Variants in SEMA6A observed in about 807,000 individuals in gnomAD.
SEMA6A encodes the protein semaphorin 6A.
A neutral mutation model predicts 96.8 loss-of-function variants in SEMA6A; 25 were observed. That is an observed-to-expected ratio of 0.26 (90% CI 0.19 to 0.36). SEMA6A has a LOEUF of 0.36. Among genes scored for constraint, SEMA6A ranks in the 10% least tolerant of loss-of-function variants. SEMA6A has a pLI of 1.00. For synonymous variants in SEMA6A, 612 were observed against 518.0 expected (o/e 1.18, Z -2.46); for missense variants, 1,363 against 1,323.1 (o/e 1.03, Z -0.47).
At position 116,451,915 on chromosome 5, in the gene SEMA6A, G is replaced by A. The variant is rs192980358; in HGVS notation, c.1895-4104C>T. On this transcript the variant is annotated intron_variant, in intron 18 of 18. Coordinates refer to ENST00000343348, the MANE Select transcript of SEMA6A (RefSeq NM_020796.5). ...GGAAAAATCCAAAAGAGTCGATGAC[G>A]ATAAATGGGTTATTTACAACAACAG... Among the ~76,000 whole-genome samples, 8 of 151,962 alleles carry A rather than the reference G, an allele frequency of 5.3e-5. No individual in the cohort carries two copies. In the East Asian group the frequency reaches 1.2e-3, roughly 22 times the overall value.
chr5:116,541,741 G>A (rs1759972753), intron 1 of SEMA6A, among the ~76,000 whole-genome samples: 1 of 152,174 alleles, frequency 6.6e-6, no homozygotes, highest in Admixed American at 6.5e-5. Flanking sequence ...GCTGAGGCAG[G>A]AGAATCATTT....
At chr5:116,495,593 T>G in intron 5 of SEMA6A, 79 bp from the exon 6 acceptor site, 1 of 1,079,442 alleles carries the variant, frequency 9.3e-7, no homozygotes, top group East Asian at 2.6e-5. Flanking sequence ...CATGGTTGGC[T>G]GACAGTAAGG....
chr5:116,464,030 A>G (rs889451449), intron 18 of SEMA6A, among the ~76,000 whole-genome samples: 5 of 152,162 alleles, frequency 3.3e-5, no homozygotes, highest in Non-Finnish European at 7.4e-5. Context: ...ATTTGTTCTC[A>G]GTATTGTTTA....
chr5:116,465,987 C>T (rs1275689517), intron 18 of SEMA6A, among the ~76,000 whole-genome samples: 3 of 149,388 alleles, frequency 2.0e-5, no homozygotes, highest in African/African-American at 4.9e-5. Context: ...TCTCTTCTAC[C>T]TGGAGCTTTC....
intron 18 of SEMA6A, among the ~76,000 whole-genome samples, chr5:116,460,915 AGCTGAGATTACAG>A (rs1436627465): frequency 2.0e-5 from 3 of 151,628 alleles, no homozygotes; most frequent in African/African-American, 7.3e-5. Context: ...CTTCCCAAGT[AGCTGAGATTACAG>A]GCAGTTTAGA....
At chr5:116,544,226 A>G (rs760106169) in intron 1 of SEMA6A, among the ~76,000 whole-genome samples, 3 of 152,094 alleles carry the variant, frequency 2.0e-5, no homozygotes, top group Non-Finnish European at 4.4e-5. Flanking sequence ...GGTCTACGGC[A>G]TGGATGCAGT....
rs1221428590 is a variant in SEMA6A at position 116,446,124 on chromosome 5, A to G, written c.*489T>C. 1 of 152,160 alleles carries G rather than the reference A, an allele frequency of 6.6e-6. No homozygotes were observed. Among genetic ancestry groups the G allele is most frequent in the Non-Finnish European group, 1.5e-5 (1 of 68,436 alleles). 9.4% of individuals were successfully genotyped at this position (152,160 alleles called of 1,614,324 possible). Reference sequence around the variant, plus strand: ...TGAATTCTTTTTTTTTTGTCTTTTTAAATTTTCTTGATTTTAAAAAATGTA... The same window carrying G: ...TGAATTCTTTTTTTTTTGTCTTTTTGAATTTTCTTGATTTTAAAAAATGTA... On this transcript the variant is annotated 3_prime_UTR_variant, in exon 19 of 19. Coordinates refer to ENST00000343348, the MANE Select transcript of SEMA6A (RefSeq NM_020796.5).
chr5:116,487,504 G>C (rs1757117333), intron 9 of SEMA6A, among the ~76,000 whole-genome samples: 1 of 151,934 alleles, frequency 6.6e-6, no homozygotes, highest in Non-Finnish European at 1.5e-5. Context: ...CAGTCTCTGT[G>C]GAGCAACTCA....
rs146287809 is a variant in SEMA6A at position 116,544,071 on chromosome 5, G to C, written c.-39+30114C>G. Reference sequence around the variant, plus strand: ...CTTTGGCCCCTAATGAAATAACTGGGGTACTTGAATTTGAAGGCTCACCTT... The same window carrying C: ...CTTTGGCCCCTAATGAAATAACTGGCGTACTTGAATTTGAAGGCTCACCTT... On this transcript the variant is annotated intron_variant, in intron 1 of 18. Transcript: ENST00000343348. 1.2e-4 allele frequency among the ~76,000 whole-genome samples: 19 copies of C among 152,170 alleles called. 2 individuals are homozygous for C. The South Asian group carries it at 4.0e-3, about 32-fold the overall frequency.
At position 116,447,081 on chromosome 5, in the gene SEMA6A, G is replaced by C. The variant is rs748625690; in HGVS notation, c.2625C>G (p.Asp875Glu). ...NHGVNLVENL[D>E]SLPPKVPQRE... ...GCTGTGGAACTTTGGGGGGCAGGCTGTCCAGGTTCTCCACAAGGTTCACCC... is the reference window on the plus strand; with the variant it reads ...GCTGTGGAACTTTGGGGGGCAGGCTCTCCAGGTTCTCCACAAGGTTCACCC... Residue 875 changes from aspartate to glutamate, a missense_variant, in exon 19 of 19, where the codon GAC becomes GAG. Around this residue, in one of 2 missense-constraint regions of SEMA6A, gnomAD observed 883 missense variants for 763.6 expected, o/e 1.16. Transcript: ENST00000343348. 1 of 1,613,970 alleles carries C rather than the reference G, an allele frequency of 6.2e-7. No individual in the cohort carries two copies. The highest frequency in any genetic ancestry group is 1.7e-5 in the Admixed American group (1 of 60,026).
intron 1 of SEMA6A, among the ~76,000 whole-genome samples, chr5:116,538,944 C>A (rs566661349): frequency 7.9e-5 from 12 of 152,108 alleles, no homozygotes; most frequent in African/African-American, 2.4e-4. Context: ...TACAAATATC[C>A]TTTTTTTGTA....
chr5:116,526,320 C>G (rs1229389669), intron 1 of SEMA6A, among the ~76,000 whole-genome samples: 2 of 152,172 alleles, frequency 1.3e-5, no homozygotes, highest in Non-Finnish European at 2.9e-5. Flanking sequence ...GAAGTCTCCC[C>G]TGATTCCCAC....
At position 116,507,781 on chromosome 5, in the gene SEMA6A, A is replaced by G. The variant is rs749045867; in HGVS notation, c.-38-2799T>C. 5.4e-4 allele frequency among the ~76,000 whole-genome samples: 82 copies of G among 152,200 alleles called. 3 individuals carry two copies. Among genetic ancestry groups the G allele is most frequent in the Admixed American group, 3.9e-4 (6 of 15,280 alleles). The stretch of plus-strand genomic sequence containing the variant: ...CATTTACTTCATAAGTAAGCCTATT[A>G]TATCTGAATTTTCCATCTACTTGTC... On this transcript the variant is annotated intron_variant, in intron 1 of 18. Transcript: ENST00000343348.
At chr5:116,453,241 G>A (rs77988180) in intron 18 of SEMA6A, among the ~76,000 whole-genome samples, 7,795 of 152,196 alleles carry the variant, frequency 0.051, 264 homozygotes, top group East Asian at 0.11. Context: ...TGTTCTCTCT[G>A]CCTGGAATGT....
chr5:116,567,502 T>C (rs1378012878), intron 1 of SEMA6A, among the ~76,000 whole-genome samples: 3 of 152,210 alleles, frequency 2.0e-5, no homozygotes, highest in African/African-American at 7.2e-5. Flanking sequence ...TGACTGCTTG[T>C]TGTGTGCCCG....
intron 2 of SEMA6A, 113 bp from the exon 3 acceptor site, chr5:116,502,440 A>G (rs946324783): frequency 1.7e-5 from 13 of 784,882 alleles, no homozygotes; most frequent in Middle Eastern, 7.4e-4. Flanking sequence ...AAGTCAGACC[A>G]TGCCACCATT....
chr5:116,450,979 T>C (rs187717363), intron 18 of SEMA6A, among the ~76,000 whole-genome samples: 7 of 152,330 alleles, frequency 4.6e-5, no homozygotes, highest in Admixed American at 4.6e-4. Flanking sequence ...CTTTGTGGAA[T>C]AGCCATTGTG....
intron 1 of SEMA6A, among the ~76,000 whole-genome samples, chr5:116,521,950 T>C (rs1017078340): frequency 6.6e-6 from 1 of 152,214 alleles, no homozygotes; most frequent in Non-Finnish European, 1.5e-5. Flanking sequence ...ATTGTGCACA[T>C]TGAAGGTACT....
At chr5:116,487,279 T>A (rs759789449) in intron 9 of SEMA6A, 18 of 279,824 alleles carry the variant, frequency 6.4e-5, no homozygotes, top group Non-Finnish European at 1.0e-4. Flanking sequence ...AAAAGCACAC[T>A]TTGTATGCAC....
Sources: allele counts gnomAD v4.1 joint callset (sites outside exome capture counted in the v4.1 genomes callset), GRCh38; gene constraint gnomAD v4.1.1; regional missense constraint gnomAD v4.1.1; transcripts MANE v1.5; gene names NCBI Gene and HGNC (gene_info 2026-07-23, HGNC 2026-07-21).